The following NSMCE2 variants were observed in gnomAD, a reference collection of about 807,000 sequenced individuals.
The protein encoded by NSMCE2 is NSE2 SUMO ligase component of SMC5/6 complex.
In NSMCE2, 24 loss-of-function variants were observed where a neutral mutation model predicts 23.8. The ratio of observed to expected loss-of-function variants is 1.01; its 90% CI spans 0.73 to 1.42. NSMCE2 has a LOEUF of 1.42. NSMCE2 is among the 40% of genes most tolerant of loss of function. The probability of loss-of-function intolerance (pLI) is 0.00; values close to 1 mark genes in which losing one functional copy is unlikely to be tolerated. For missense variants in NSMCE2, 284 were observed against 296.5 expected (o/e 0.96, Z 0.31); for synonymous variants, 92 against 94.1 (o/e 0.98, Z 0.13).
At chr8:125,120,214 A>C (rs532436771) in intron 3 of NSMCE2, among the ~76,000 whole-genome samples, 1 of 152,344 alleles carries the variant, frequency 6.6e-6, no homozygotes, top group African/African-American at 2.4e-5. Flanking sequence ...AGATAACAGC[A>C]CAGATATAGG....
chr8:125,342,052 C>A (rs1186445545), intron 5 of NSMCE2, among the ~76,000 whole-genome samples: 1 of 152,040 alleles, frequency 6.6e-6, no homozygotes, highest in East Asian at 1.9e-4. Flanking sequence ...TCCTGGGGAC[C>A]CCTGAGTGAG....
chr8:125,296,129 T>G (rs1303795030), intron 5 of NSMCE2, among the ~76,000 whole-genome samples: 1 of 152,224 alleles, frequency 6.6e-6, no homozygotes, highest in African/African-American at 2.4e-5. Flanking sequence ...TTGCATAGAT[T>G]ATCTCATTTA....
intron 5 of NSMCE2, among the ~76,000 whole-genome samples, chr8:125,303,284 C>A (rs1178037825): frequency 6.6e-6 from 1 of 152,132 alleles, no homozygotes; most frequent in African/African-American, 2.4e-5. Flanking sequence ...TGAATGGACA[C>A]ACCCTAAGTC....
At chr8:125,355,699 CAAAAAA>C (rs140692089) in intron 5 of NSMCE2, among the ~76,000 whole-genome samples, 2 of 46,758 alleles carry the variant, frequency 4.3e-5, no homozygotes, top group African/African-American at 8.1e-5. Flanking sequence ...GACTCCATCT[CAAAAAA>C]AAAAAAAAAA....
intron 5 of NSMCE2, chr8:125,182,485 C>A: frequency 1.8e-6 from 1 of 555,258 alleles, no homozygotes; most frequent in Non-Finnish European, 3.2e-6. Flanking sequence ...CAGAAAATTT[C>A]CCAGCAGCTA....
intron 5 of NSMCE2, among the ~76,000 whole-genome samples, chr8:125,285,448 AC>A (rs951031554): frequency 6.6e-6 from 1 of 151,948 alleles, no homozygotes; most frequent in African/African-American, 2.4e-5. Flanking sequence ...CCTTCTTTTA[AC>A]AAATACTTAC....
intron 4 of NSMCE2, among the ~76,000 whole-genome samples, chr8:125,158,475 C>T (rs568468027): frequency 3.8e-4 from 58 of 152,130 alleles, no homozygotes; most frequent in African/African-American, 1.4e-3. Flanking sequence ...GGGCAGGAAA[C>T]GCATATGGAC....
At chr8:125,333,096 T>G (rs1829936599) in intron 5 of NSMCE2, among the ~76,000 whole-genome samples, 1 of 152,202 alleles carries the variant, frequency 6.6e-6, no homozygotes, top group Admixed American at 6.5e-5. Context: ...TAAAGGTGTC[T>G]TGGTCCCCAC....
At chr8:125,250,511 T>C (rs1009345780) in intron 5 of NSMCE2, among the ~76,000 whole-genome samples, 10 of 152,362 alleles carry the variant, frequency 6.6e-5, no homozygotes, top group Admixed American at 5.9e-4. Context: ...ATTTATTAAC[T>C]AAAAACAACC....
chr8:125,203,966 C>A (rs1026466486), intron 5 of NSMCE2, among the ~76,000 whole-genome samples: 1 of 152,126 alleles, frequency 6.6e-6, no homozygotes, highest in Non-Finnish European at 1.5e-5. Flanking sequence ...ATTCCCTAGT[C>A]CTTATCGTGT....
chr8:125,105,714 G>A (rs1399520672), intron 3 of NSMCE2, among the ~76,000 whole-genome samples: 2 of 152,176 alleles, frequency 1.3e-5, no homozygotes, highest in East Asian at 1.9e-4. Flanking sequence ...AAATGAATGG[G>A]CATGGCTGTG....
chr8:125,316,567 C>CTTCT (rs766599896), intron 5 of NSMCE2, among the ~76,000 whole-genome samples: 6 of 152,010 alleles, frequency 3.9e-5, no homozygotes, highest in East Asian at 3.9e-4. Flanking sequence ...TCTTTCTTTC[C>CTTCT]TTCTTTCTTT....
At chr8:125,225,727 A>G (rs1586637717) in intron 5 of NSMCE2, among the ~76,000 whole-genome samples, 1 of 152,222 alleles carries the variant, frequency 6.6e-6, no homozygotes, top group Non-Finnish European at 1.5e-5. Flanking sequence ...CATGAGAGCA[A>G]ATTATACTTA....
At chr8:125,340,140 G>A (rs557343556) in intron 5 of NSMCE2, among the ~76,000 whole-genome samples, 63 of 144,808 alleles carry the variant, frequency 4.4e-4, no homozygotes, top group East Asian at 3.6e-3. Context: ...TCAGCCTCCC[G>A]AGTAGCTGGG....
At chr8:125,165,917 C>T (rs530938995) in intron 4 of NSMCE2, among the ~76,000 whole-genome samples, 1 of 152,092 alleles carries the variant, frequency 6.6e-6, no homozygotes, top group African/African-American at 2.4e-5. Context: ...GAAAGCAGTG[C>T]CAGAGAATTT....
chr8:125,330,321 G>A (rs554167604), intron 5 of NSMCE2, among the ~76,000 whole-genome samples: 2 of 151,774 alleles, frequency 1.3e-5, no homozygotes, highest in East Asian at 2.0e-4. Flanking sequence ...AATTACAAGC[G>A]TGTGCCACCA....
intron 5 of NSMCE2, among the ~76,000 whole-genome samples, chr8:125,223,707 G>A (rs898747619): frequency 6.6e-6 from 1 of 151,554 alleles, no homozygotes; most frequent in Admixed American, 6.6e-5. Context: ...ATTTTAATTT[G>A]CATTTCCCAG....
chr8:125,237,330 T>A (rs892454470), intron 5 of NSMCE2, among the ~76,000 whole-genome samples: 5 of 152,278 alleles, frequency 3.3e-5, no homozygotes, highest in African/African-American at 1.2e-4. Flanking sequence ...TTAAACACAC[T>A]CACACAGTCT....
chr8:125,126,370 CAA>C (rs76825647), intron 3 of NSMCE2, among the ~76,000 whole-genome samples: 115 of 128,172 alleles, frequency 9.0e-4, no homozygotes, highest in African/African-American at 2.9e-3. Context: ...GACTCTGTTT[CAA>C]AAAAAAAAAA....
Sources: gnomAD v4.1 joint callset for allele counts (sites outside exome capture counted in the v4.1 genomes callset) on GRCh38, gnomAD v4.1.1 for gene constraint, MANE v1.5 for transcripts, NCBI Gene and HGNC (gene_info 2026-07-23, HGNC 2026-07-21) for gene names.